The following CALCR variants were observed in gnomAD, a reference collection of about 807,000 sequenced individuals.
CALCR encodes the protein calcitonin receptor.
Under a neutral mutation model 59.5 loss-of-function variants are expected in CALCR, and 47 were observed. The ratio of observed to expected loss-of-function variants is 0.79; its 90% CI spans 0.63 to 1.01. The LOEUF (loss-of-function observed/expected upper bound fraction) is 1.01, where lower values mean the gene tolerates loss of function less well. Ranked by LOEUF, CALCR falls within the 50% of genes least tolerant of loss-of-function variation. The probability of loss-of-function intolerance (pLI) is 0.00; values close to 1 mark genes in which losing one functional copy is unlikely to be tolerated. For synonymous variants in CALCR, 213 were observed against 211.3 expected, an observed-to-expected ratio of 1.01 and a Z score of -0.07; for missense variants, 566 against 597.1, an observed-to-expected ratio of 0.95 and a Z score of 0.54.
At chr7:93,448,786 A>G (rs550918775) in intron 8 of CALCR, among the ~76,000 whole-genome samples, 1 of 152,138 alleles carries the variant, frequency 6.6e-6, no homozygotes, top group South Asian at 2.1e-4. Flanking sequence ...AGTCAAACAC[A>G]TTCTACTTTA....
At chr7:93,564,003 T>G (rs1789803402) in intron 2 of CALCR, among the ~76,000 whole-genome samples, 1 of 152,240 alleles carries the variant, frequency 6.6e-6, no homozygotes, top group African/African-American at 2.4e-5. Flanking sequence ...ATGTGTTAGC[T>G]ATTATTACCA....
chr7:93,479,202 C>T, intron 4 of CALCR, 152 bp downstream of exon 4: 2 of 762,944 alleles, frequency 2.6e-6, no homozygotes, highest in Non-Finnish European at 2.1e-6. Flanking sequence ...GGCATATGCA[C>T]TGCATGAAAT....
chr7:93,505,969 A>C (rs1801416551), intron 2 of CALCR, among the ~76,000 whole-genome samples: 1 of 152,126 alleles, frequency 6.6e-6, no homozygotes, highest in South Asian at 2.1e-4. Context: ...TGGTCCAACC[A>C]ATCTTTGGGC....
chr7:93,467,122 A>C (rs1444110647), intron 7 of CALCR, among the ~76,000 whole-genome samples: 1 of 151,790 alleles, frequency 6.6e-6, no homozygotes, highest in Non-Finnish European at 1.5e-5. Flanking sequence ...TTGTTTGAGA[A>C]CCATGATGAT....
At chr7:93,505,936 A>G (rs1323081918) in intron 2 of CALCR, among the ~76,000 whole-genome samples, 3 of 152,140 alleles carry the variant, frequency 2.0e-5, no homozygotes, top group African/African-American at 4.8e-5. Flanking sequence ...TAGGGGCCCC[A>G]CATATTATGT....
intron 2 of CALCR, among the ~76,000 whole-genome samples, chr7:93,570,908 G>A (rs1193983602): frequency 6.6e-6 from 1 of 152,104 alleles, no homozygotes; most frequent in East Asian, 1.9e-4. Context: ...GAAAATTACT[G>A]TTAGAAGTAT....
chr7:93,432,844 A>G (rs944869124), intron 13 of CALCR, among the ~76,000 whole-genome samples: 1 of 152,218 alleles, frequency 6.6e-6, no homozygotes, highest in African/African-American at 2.4e-5. Context: ...ATTCACAGAA[A>G]TTGATATAAA....
intron 7 of CALCR, 22 bp downstream of exon 7, chr7:93,468,690 GAGC>G: frequency 7.5e-6 from 11 of 1,472,230 alleles, no homozygotes; most frequent in Non-Finnish European, 1.0e-5. Flanking sequence ...AGGAAATAAA[GAGC>G]AGATGCTGTG....
chr7:93,524,371 C>T (rs750019156), intron 2 of CALCR, among the ~76,000 whole-genome samples: 1 of 151,906 alleles, frequency 6.6e-6, no homozygotes, highest in Admixed American at 6.6e-5. Flanking sequence ...GCGGTTTCAC[C>T]GTGTTAGCCA....
rs1268502578 is a variant in CALCR at position 93,574,502 on chromosome 7, C to T, written c.-240G>A. 1 of 152,190 alleles carries T rather than the reference C, an allele frequency of 6.6e-6. No individual in the cohort carries two copies. Among genetic ancestry groups the T allele is most frequent in the East Asian group, 1.9e-4 (1 of 5,152 alleles). 9.4% of individuals were successfully genotyped at this position (152,190 alleles called of 1,614,324 possible). A position where few individuals can be genotyped will look rare whatever the true frequency, so the allele number is the denominator to read the frequency against. ...GCCCACCCAGACGCTGGTGGGCTGGCTTTCCTAGTTTGATGCGAGAGCAAA... is the reference window on the plus strand; with the variant it reads ...GCCCACCCAGACGCTGGTGGGCTGGTTTTCCTAGTTTGATGCGAGAGCAAA... On this transcript the variant is annotated 5_prime_UTR_variant, in exon 2 of 14. Transcript: ENST00000426151.
At position 93,468,823 on chromosome 7, in the gene CALCR, T is replaced by TAAACAAACAAGC; in HGVS notation, c.430-18_430-17insGCTTGTTTGTTT. ...ATATGCATTCTGGAACAACAAAAAG[T>TAAACAAACAAGC]AAACAAACAAACAATGAATGAATGA... On this transcript the variant is annotated splice_polypyrimidine_tract_variant and intron_variant, in intron 6 of 13. Transcript: ENST00000426151. 1.7e-6 allele frequency: 2 copies of TAAACAAACAAGC among 1,209,054 alleles called. No individual in the cohort carries two copies. The highest frequency in any genetic ancestry group is 2.4e-6 in the Non-Finnish European group (2 of 836,138). 74.9% of individuals were successfully genotyped at this position (1,209,054 alleles called of 1,614,324 possible). A position where few individuals can be genotyped will look rare whatever the true frequency, so the allele number is the denominator to read the frequency against.
At chr7:93,546,890 T>C (rs1362936228) in intron 2 of CALCR, among the ~76,000 whole-genome samples, 2 of 152,170 alleles carry the variant, frequency 1.3e-5, no homozygotes, top group South Asian at 2.1e-4. Flanking sequence ...TGTTATTAGA[T>C]TGGAGGAGAA....
Position 93,438,242 on chromosome 7 carries a change from A to G in CALCR, c.831T>C (p.His277=), listed in dbSNP as rs367657171. 93 of 1,613,608 alleles carry G rather than the reference A, an allele frequency of 5.8e-5. No individual in the cohort carries two copies. Among genetic ancestry groups the G allele is most frequent in the Non-Finnish European group, 7.4e-5 (87 of 1,179,618 alleles). ...WGFPLVPTTI[H]AITRAVYFND... ...TGAAGTACACGGCCCTGGTAATAGCATGGATAGTGGTTGGCACCAGCGGGA... is the reference window on the plus strand; with the variant it reads ...TGAAGTACACGGCCCTGGTAATAGCGTGGATAGTGGTTGGCACCAGCGGGA... Residue 277 remains histidine (H), a synonymous_variant, in exon 10 of 14, where the codon CAT becomes CAC. Transcript: ENST00000426151.
chr7:93,431,784 C>T (rs529383868), intron 13 of CALCR, among the ~76,000 whole-genome samples: 1 of 152,224 alleles, frequency 6.6e-6, no homozygotes, highest in East Asian at 1.9e-4. Flanking sequence ...CTACTTCCTT[C>T]TATAAACTAT....
chr7:93,426,762 G>A (rs1221465362), intron 13 of CALCR, among the ~76,000 whole-genome samples, 173 bp from the exon 14 acceptor site: 2 of 152,158 alleles, frequency 1.3e-5, no homozygotes, highest in Admixed American at 6.5e-5. Context: ...CTTGGAAGAA[G>A]AATTTGCAAA....
intron 2 of CALCR, among the ~76,000 whole-genome samples, chr7:93,544,491 T>G (rs1001645444): frequency 1.3e-5 from 2 of 152,226 alleles, no homozygotes; most frequent in East Asian, 3.8e-4. Flanking sequence ...GAAAGAATTT[T>G]AAAACATCTT....
At chr7:93,515,217 A>G (rs1801625155) in intron 2 of CALCR, among the ~76,000 whole-genome samples, 1 of 152,036 alleles carries the variant, frequency 6.6e-6, no homozygotes, top group African/African-American at 2.4e-5. Flanking sequence ...AGACTAAAAA[A>G]ATTTCTAACA....
intron 2 of CALCR, among the ~76,000 whole-genome samples, chr7:93,524,945 A>G (rs1801846116): frequency 6.6e-6 from 1 of 152,312 alleles, no homozygotes; most frequent in Non-Finnish European, 1.5e-5. Flanking sequence ...TAAAGGGCTC[A>G]TATACATATT....
intron 2 of CALCR, among the ~76,000 whole-genome samples, chr7:93,520,382 C>T (rs73221758): frequency 0.23 from 35,068 of 151,900 alleles, 5,071 homozygotes; most frequent in Non-Finnish European, 0.33. Context: ...GCATTTTACC[C>T]AGCTGTTTTC....
Sources: gnomAD v4.1 joint callset for allele counts (sites outside exome capture counted in the v4.1 genomes callset) on GRCh38, gnomAD v4.1.1 for gene constraint, MANE v1.5 for transcripts, NCBI Gene and HGNC (gene_info 2026-07-23, HGNC 2026-07-21) for gene names.